DOCK3: variants seen among roughly 807,000 people sequenced by gnomAD.
DOCK3 encodes dedicator of cytokinesis 3.
In DOCK3, 60 loss-of-function variants were observed where a neutral mutation model predicts 265.6. The ratio of observed to expected loss-of-function variants is 0.23; its 90% CI spans 0.18 to 0.28. The LOEUF is 0.28. DOCK3 is among the 10% of genes least tolerant of loss of function. The pLI, the probability that DOCK3 is intolerant of heterozygous loss-of-function variation, is 1.00. For synonymous variants in DOCK3, 881 were observed against 938.0 expected, an observed-to-expected ratio of 0.94 and a Z score of 1.11; for missense variants, 1,981 against 2,594.3, an observed-to-expected ratio of 0.76 and a Z score of 5.14.
intron 1 of DOCK3, among the ~76,000 whole-genome samples, chr3:50,772,631 A>G (rs2041342794): frequency 6.6e-6 from 1 of 152,226 alleles, no homozygotes; most frequent in South Asian, 2.1e-4. Context: ...AATATGTAAC[A>G]TTTATATGTG....
chr3:51,054,274 A>G (rs1308377103), intron 5 of DOCK3, among the ~76,000 whole-genome samples: 1 of 152,128 alleles, frequency 6.6e-6, no homozygotes, highest in African/African-American at 2.4e-5. Flanking sequence ...AAAAATTTTT[A>G]AAGCATTGGT....
chr3:50,916,613 C>T (rs756295572), intron 4 of DOCK3, among the ~76,000 whole-genome samples: 11 of 152,010 alleles, frequency 7.2e-5, no homozygotes, highest in Non-Finnish European at 1.5e-4. Flanking sequence ...GTCAGGAGAT[C>T]GAGACCATCC....
intron 2 of DOCK3, among the ~76,000 whole-genome samples, chr3:50,807,554 T>C (rs1426641350): frequency 6.6e-6 from 1 of 152,214 alleles, no homozygotes; most frequent in Non-Finnish European, 1.5e-5. Flanking sequence ...CAGCACCTGC[T>C]ATCACCACAT....
intron 32 of DOCK3, among the ~76,000 whole-genome samples, chr3:51,318,596 A>G (rs561823008): frequency 2.6e-5 from 4 of 152,148 alleles, no homozygotes; most frequent in Non-Finnish European, 5.9e-5. Context: ...CCTTGAAAAA[A>G]TTTTAGACTC....
intron 9 of DOCK3, among the ~76,000 whole-genome samples, chr3:51,132,066 A>G (rs1294684756): frequency 2.0e-5 from 3 of 152,130 alleles, no homozygotes; most frequent in Non-Finnish European, 4.4e-5. Flanking sequence ...CCCTTCCTCT[A>G]CATTAAACCA....
chr3:50,857,839 A>C (rs948671779), intron 3 of DOCK3, among the ~76,000 whole-genome samples: 2 of 152,264 alleles, frequency 1.3e-5, no homozygotes, highest in African/African-American at 4.8e-5. Flanking sequence ...GGGAGTGTAA[A>C]CTAGTTCAAC....
chr3:50,865,511 C>A (rs1326712596), intron 3 of DOCK3, among the ~76,000 whole-genome samples: 1 of 152,172 alleles, frequency 6.6e-6, no homozygotes, highest in East Asian at 1.9e-4. Flanking sequence ...AATAGTACTC[C>A]ATTGTATATG....
chr3:51,096,905 G>C (rs1325576500), intron 9 of DOCK3, among the ~76,000 whole-genome samples: 1 of 152,154 alleles, frequency 6.6e-6, no homozygotes, highest in Admixed American at 6.6e-5. Context: ...GTTTGCAGGA[G>C]GTCCTTTCTA....
At chr3:50,889,391 A>G (rs935606107) in intron 3 of DOCK3, among the ~76,000 whole-genome samples, 1 of 151,764 alleles carries the variant, frequency 6.6e-6, no homozygotes, top group African/African-American at 2.4e-5. Flanking sequence ...TAAGCCATTC[A>G]TGTTTTATTT....
chr3:50,935,420 C>A (rs192403585), intron 5 of DOCK3, among the ~76,000 whole-genome samples: 1 of 152,224 alleles, frequency 6.6e-6, no homozygotes, highest in African/African-American at 2.4e-5. Flanking sequence ...CAGGGAGGAA[C>A]CCAGAAAATT....
intron 4 of DOCK3, among the ~76,000 whole-genome samples, chr3:50,922,702 T>G (rs1345325073): frequency 6.6e-6 from 1 of 152,204 alleles, no homozygotes; most frequent in East Asian, 1.9e-4. Flanking sequence ...GTACTTTTGT[T>G]TTTTGTTCTT....
chr3:50,927,660 C>T (rs2050833090), intron 4 of DOCK3, among the ~76,000 whole-genome samples: 1 of 152,094 alleles, frequency 6.6e-6, no homozygotes, highest in African/African-American at 2.4e-5. Flanking sequence ...GTCGTTTTTT[C>T]AGTCTTTGCT....
intron 31 of DOCK3, among the ~76,000 whole-genome samples, chr3:51,313,174 G>T (rs994929013): frequency 1.3e-5 from 2 of 152,114 alleles, no homozygotes; most frequent in African/African-American, 2.4e-5. Flanking sequence ...AGAAAAGGAG[G>T]GCTGTAGTAG....
chr3:51,072,342 A>G (rs530045015), intron 6 of DOCK3, among the ~76,000 whole-genome samples: 1 of 152,316 alleles, frequency 6.6e-6, no homozygotes, highest in African/African-American at 2.4e-5. Flanking sequence ...ACAGAGGAGC[A>G]CATACACTCA....
chr3:51,056,765 T>G (rs1293867502), intron 5 of DOCK3, among the ~76,000 whole-genome samples: 10 of 152,100 alleles, frequency 6.6e-5, no homozygotes, highest in Admixed American at 6.6e-4. Flanking sequence ...GTTAATTTGT[T>G]AAAAAGAAAG....
intron 9 of DOCK3, among the ~76,000 whole-genome samples, chr3:51,128,808 C>T (rs2084382376): frequency 6.6e-6 from 1 of 152,160 alleles, no homozygotes; most frequent in Non-Finnish European, 1.5e-5. Flanking sequence ...GAGTGGAAGT[C>T]CATGTTGCTA....
chr3:51,185,625 TCCCCACCCAA>T (rs1457107210), intron 12 of DOCK3, among the ~76,000 whole-genome samples: 2 of 152,162 alleles, frequency 1.3e-5, no homozygotes, highest in African/African-American at 4.8e-5. Flanking sequence ...TGGCTCTGTG[TCCCCACCCAA>T]ATCTCATCTT....
intron 32 of DOCK3, among the ~76,000 whole-genome samples, chr3:51,322,615 C>T (rs1330903973): frequency 3.3e-5 from 5 of 152,130 alleles, no homozygotes; most frequent in Non-Finnish European, 7.3e-5. Context: ...GAGATTTTGT[C>T]ACCACCAGGC....
chr3:51,094,657 A>G (rs981788589), intron 9 of DOCK3, among the ~76,000 whole-genome samples: 4 of 149,024 alleles, frequency 2.7e-5, no homozygotes, highest in Non-Finnish European at 4.5e-5. Flanking sequence ...TTGTGTCTCT[A>G]TCTCCTTCAA....
Sources: allele counts gnomAD v4.1 joint callset (sites outside exome capture counted in the v4.1 genomes callset), GRCh38; gene constraint gnomAD v4.1.1; transcripts MANE v1.5; gene names NCBI Gene and HGNC (gene_info 2026-07-23, HGNC 2026-07-21).